The following TAF4 variants were observed in gnomAD, a reference collection of about 807,000 sequenced individuals.
TAF4 encodes the protein transcription initiation factor TFIID subunit 4.
A neutral mutation model predicts 90.3 loss-of-function variants in TAF4; 9 were observed. The observed-to-expected ratio is 0.10, with a 90% CI of 0.06 to 0.17. TAF4 has a LOEUF of 0.17. TAF4 is among the 10% of genes least tolerant of loss of function. The probability of loss-of-function intolerance (pLI) is 1.00; values close to 1 mark genes in which losing one functional copy is unlikely to be tolerated. For missense variants in TAF4, 1,351 were observed against 1,370.7 expected, an observed-to-expected ratio of 0.99 and a Z score of 0.23; for synonymous variants, 818 against 638.9, an observed-to-expected ratio of 1.28 and a Z score of -4.23.
At chr20:62,046,981 A>G (rs755331987) in intron 1 of TAF4, among the ~76,000 whole-genome samples, 3 of 152,194 alleles carry the variant, frequency 2.0e-5, no homozygotes, top group Non-Finnish European at 4.4e-5. Context: ...TTAGATATAA[A>G]TATTTTCTCC....
In TAF4 at chr20:61,995,291, C is replaced by T. The variant is rs115206963; in HGVS notation, c.3090+2259G>A. On this transcript the variant is annotated intron_variant, in intron 14 of 14. Transcript: ENST00000252996. The stretch of plus-strand genomic sequence containing the variant: ...CTTATAAAACAGCTTTAATAATAAG[C>T]TCAAAGAATTAGGGGAAATATAAAC... 4.8e-3 allele frequency among the ~76,000 whole-genome samples: 731 copies of T among 152,252 alleles called. 8 individuals carry two copies. Among genetic ancestry groups the T allele is most frequent in the African/African-American group, 0.017 (702 of 41,538 alleles).
chr20:62,048,960 A>C (rs1600861205), intron 1 of TAF4, among the ~76,000 whole-genome samples: 5 of 56,218 alleles, frequency 8.9e-5, no homozygotes, highest in African/African-American at 2.9e-4. Flanking sequence ...CTGCATGCCC[A>C]CCTCGGTCAC....
At chr20:62,055,724 C>T (rs552731268) in intron 1 of TAF4, among the ~76,000 whole-genome samples, 1 of 152,234 alleles carries the variant, frequency 6.6e-6, no homozygotes, top group South Asian at 2.1e-4. Flanking sequence ...CCCTCAGCCT[C>T]CTGGGAAAGC....
At position 62,046,826 on chromosome 20, in the gene TAF4, T is replaced by C. The variant is rs28382012; in HGVS notation, c.1360+17625A>G. 2.6e-4 allele frequency among the ~76,000 whole-genome samples: 39 copies of C among 152,356 alleles called. No individual in the cohort carries two copies. In the East Asian group the frequency reaches 6.9e-3, roughly 27 times the overall value. On this transcript the variant is annotated intron_variant, in intron 1 of 14. Transcript: ENST00000252996. ...GGTTTCATGTCCTGGAGTCTAACTATGTGAGCACCTTTTCGTACACCTGCT... is the reference window on the plus strand; with the variant it reads ...GGTTTCATGTCCTGGAGTCTAACTACGTGAGCACCTTTTCGTACACCTGCT...
At chr20:61,986,509 CCAAAGGAAACACCATCCCCCAT>C (rs1568922528) in intron 14 of TAF4, among the ~76,000 whole-genome samples, 8 of 133,700 alleles carry the variant, frequency 6.0e-5, no homozygotes, top group Non-Finnish European at 1.1e-4. Context: ...CCATTCCCAA[CCAAAGGAAACACCATCCCCCAT>C]CAAAGGAAAC....
At chr20:62,000,324 T>C in intron 10 of TAF4, 70 bp from the exon 11 acceptor site, 1 of 1,569,236 alleles carries the variant, frequency 6.4e-7, no homozygotes, top group Non-Finnish European at 8.6e-7. Context: ...GGCTAATCTC[T>C]GATCCAGCAG....
rs1035444504 is a variant in TAF4 at position 62,034,414 on chromosome 20, C to T, written c.1361-19707G>A. On this transcript the variant is annotated intron_variant, in intron 1 of 14. Transcript: ENST00000252996. ...TCATAGCTCACTGTAGCCTCAAACT[C>T]CTGGGCTCAAGCGATCCTCCCACCC... 7.2e-5 allele frequency among the ~76,000 whole-genome samples: 11 copies of T among 152,254 alleles called. No homozygotes were observed. In the East Asian group the frequency reaches 2.1e-3, roughly 29 times the overall value.
chr20:62,009,244 T>C, intron 4 of TAF4, 70 bp from the exon 5 acceptor site: 3 of 1,414,442 alleles, frequency 2.1e-6, no homozygotes, highest in Non-Finnish European at 2.9e-6. Context: ...CTTTGGTTAC[T>C]AAAATATGCA....
intron 1 of TAF4, among the ~76,000 whole-genome samples, chr20:62,029,436 G>A (rs1217655066): frequency 6.6e-6 from 1 of 152,098 alleles, no homozygotes; most frequent in African/African-American, 2.4e-5. Flanking sequence ...TTCGAAGGGA[G>A]CCCTGCTAGC....
At chr20:62,013,153 GCTT>G (rs748284729) in intron 2 of TAF4, among the ~76,000 whole-genome samples, 1 of 152,146 alleles carries the variant, frequency 6.6e-6, no homozygotes, top group Non-Finnish European at 1.5e-5. Flanking sequence ...ATATCATTAG[GCTT>G]CTTAACAGAG....
intron 9 of TAF4, among the ~76,000 whole-genome samples, chr20:62,001,568 C>T (rs1308100388): frequency 2.0e-5 from 3 of 152,122 alleles, no homozygotes; most frequent in South Asian, 4.1e-4. Context: ...GCCTGCCTGG[C>T]GTCTCCTGGG....
At chr20:62,000,053 G>A in intron 11 of TAF4, 71 bp downstream of exon 11, 1 of 1,608,396 alleles carries the variant, frequency 6.2e-7, no homozygotes, top group Middle Eastern at 1.7e-4. Context: ...GGTGTGGGGA[G>A]GAGGCTCCCA....
intron 1 of TAF4, among the ~76,000 whole-genome samples, chr20:62,040,005 A>G (rs1454532020): frequency 6.6e-6 from 1 of 152,234 alleles, no homozygotes. Flanking sequence ...AGCTTTCCGC[A>G]AGGATGTCAA....
intron 1 of TAF4, among the ~76,000 whole-genome samples, chr20:62,029,857 G>T (rs927389588): frequency 1.3e-5 from 2 of 152,170 alleles, no homozygotes; most frequent in East Asian, 3.9e-4. Context: ...GGTGAGCCGA[G>T]ATCGCGCCAC....
chr20:61,978,496 C>T (rs1367825543), intron 14 of TAF4, among the ~76,000 whole-genome samples: 2 of 144,158 alleles, frequency 1.4e-5, no homozygotes, highest in Admixed American at 6.8e-5. Flanking sequence ...CAAGGGAGGG[C>T]GCGACACCAA....
chr20:61,996,731 G>A lies in TAF4; in HGVS notation c.3090+819C>T, dbSNP rs28382123. ...GGAGAACTGCTTGAACCTGGCAGGCGGAGGTTGCAGTGAGCCAACATCACG... is the reference window on the plus strand; with the variant it reads ...GGAGAACTGCTTGAACCTGGCAGGCAGAGGTTGCAGTGAGCCAACATCACG... On this transcript the variant is annotated intron_variant, in intron 14 of 14. Coordinates refer to ENST00000252996, the MANE Select transcript of TAF4 (RefSeq NM_003185.4). Among the ~76,000 whole-genome samples, 244 of 151,812 alleles carry A rather than the reference G, an allele frequency of 1.6e-3. 1 individual carries two copies. Among genetic ancestry groups the A allele is most frequent in the East Asian group, 7.7e-3 (40 of 5,164 alleles).
chr20:61,997,837 AT>A, intron 13 of TAF4, among the ~76,000 whole-genome samples, 168 bp from the exon 14 acceptor site: 1 of 152,216 alleles, frequency 6.6e-6, no homozygotes, highest in South Asian at 2.1e-4. Context: ...AAAAAATAAG[AT>A]TTTTTTTAAT....
At chr20:62,056,778 T>G (rs1373415268) in intron 1 of TAF4, among the ~76,000 whole-genome samples, 1 of 152,174 alleles carries the variant, frequency 6.6e-6, no homozygotes, top group African/African-American at 2.4e-5. Context: ...TTCTTTACAG[T>G]TTACTTCCCA....
chr20:62,015,922 T>C (rs997268103), intron 1 of TAF4, among the ~76,000 whole-genome samples: 2 of 152,152 alleles, frequency 1.3e-5, no homozygotes, highest in Non-Finnish European at 2.9e-5. Context: ...TTATGCCCAT[T>C]AAGAAAACTT....
Sources: allele counts gnomAD v4.1 joint callset (sites outside exome capture counted in the v4.1 genomes callset), GRCh38; gene constraint gnomAD v4.1.1; transcripts MANE v1.5; gene names NCBI Gene and HGNC (gene_info 2026-07-23, HGNC 2026-07-21).